Variants in TP53BP1 observed in about 807,000 individuals in gnomAD.
TP53BP1 encodes the protein tumor protein p53 binding protein 1.
Under a neutral mutation model 200.8 loss-of-function variants are expected in TP53BP1, and 61 were observed. The observed-to-expected ratio is 0.30, with a 90% CI of 0.25 to 0.38. The LOEUF is 0.38. Ranked by LOEUF, TP53BP1 falls within the 10% of genes least tolerant of loss-of-function variation. The pLI, the probability that TP53BP1 is intolerant of heterozygous loss-of-function variation, is 1.00. For synonymous variants in TP53BP1, 822 were observed against 844.3 expected, an observed-to-expected ratio of 0.97 and a Z score of 0.46; for missense variants, 2,144 against 2,371.9, an observed-to-expected ratio of 0.90 and a Z score of 2.00.
chr15:43,465,526 A>G lies in TP53BP1; in HGVS notation c.1389+4332T>C, dbSNP rs374587974. 2.0e-5 allele frequency among the ~76,000 whole-genome samples: 3 copies of G among 152,096 alleles called. No individual in the cohort carries two copies. In the East Asian group the frequency reaches 5.8e-4, roughly 29 times the overall value. Reference sequence around the variant, plus strand: ...ACTATTCTAGGAGTTTCAACATCCAAACAACAGATAGTCCATTAAAAAAAG... The same window carrying G: ...ACTATTCTAGGAGTTTCAACATCCAGACAACAGATAGTCCATTAAAAAAAG... On this transcript the variant is annotated intron_variant, in intron 11 of 27. Coordinates refer to ENST00000382044, the MANE Select transcript of TP53BP1 (RefSeq NM_001141980.3).
intron 11 of TP53BP1, among the ~76,000 whole-genome samples, chr15:43,467,422 C>G (rs994144211): frequency 9.2e-5 from 14 of 152,094 alleles, no homozygotes; most frequent in African/African-American, 3.1e-4. Flanking sequence ...GCTAAGGCAT[C>G]TTATAAAATA....
chr15:43,474,651 C>G lies in TP53BP1; in HGVS notation c.1180+22G>C, dbSNP rs771202901. The G allele has an allele frequency of 2.0e-6, 3 of 1,534,614 alleles. No homozygotes were observed. The South Asian group carries it at 3.4e-5, about 18-fold the overall frequency. Reference sequence around the variant, plus strand: ...TGCTCCTCTTCTAATCTGAGATCAACAGACAGATCAAGAGAGCTCACCTTG... The same window carrying G: ...TGCTCCTCTTCTAATCTGAGATCAAGAGACAGATCAAGAGAGCTCACCTTG... On this transcript the variant is annotated intron_variant, in intron 10 of 27. Coordinates refer to ENST00000382044, the MANE Select transcript of TP53BP1 (RefSeq NM_001141980.3).
At position 43,407,564 on chromosome 15, in the gene TP53BP1, G is replaced by T; in HGVS notation, c.5753C>A (p.Ala1918Asp). 2 of 1,611,140 alleles carry T rather than the reference G, an allele frequency of 1.2e-6. No homozygotes were observed. The highest frequency in any genetic ancestry group is 1.7e-6 in the Non-Finnish European group (2 of 1,177,956). Residue 1918 changes from alanine (A) to aspartate (D), a missense_variant, in exon 28 of 28, where the codon GCT (alanine) becomes GAT (aspartate). Around this residue, in one of 4 missense-constraint regions of TP53BP1, gnomAD observed 334 missense variants for 453.4 expected, o/e 0.74. Transcript: ENST00000382044. ...HHSSAHNKDI[A>D]LGVFDVVVTD... ...CACCACCACATCAAATACCCCTAAAGCAATATCTGCAAGGAGCAAGGGAAA... is the reference window on the plus strand; with the variant it reads ...CACCACCACATCAAATACCCCTAAATCAATATCTGCAAGGAGCAAGGGAAA...
chr15:43,450,068 C>T (rs1361093534), intron 12 of TP53BP1, among the ~76,000 whole-genome samples: 1 of 152,172 alleles, frequency 6.6e-6, no homozygotes, highest in Non-Finnish European at 1.5e-5. Context: ...ATTATCAAAT[C>T]CCTTCTTGTT....
intron 14 of TP53BP1, among the ~76,000 whole-genome samples, chr15:43,443,945 T>G (rs571815192): frequency 6.6e-6 from 1 of 152,206 alleles, no homozygotes; most frequent in African/African-American, 2.4e-5. Flanking sequence ...TGAAATTCAG[T>G]TGGAGCCCTG....
At chr15:43,493,206 C>A, upstream of TP53BP1, 2 of 1,458,698 alleles carry the variant, frequency 1.4e-6, no homozygotes, top group Admixed American at 2.3e-5. Flanking sequence ...TCGCTGCCGC[C>A]GCCCGCCACT....
At chr15:43,475,779 C>T (rs2078872313) in intron 8 of TP53BP1, 85 bp from the exon 9 acceptor site, 1 of 1,462,314 alleles carries the variant, frequency 6.8e-7, no homozygotes, top group Admixed American at 2.0e-5. Flanking sequence ...AGAGTAATAT[C>T]CATATTTCCA....
chr15:43,420,855 C>T, intron 20 of TP53BP1, 120 bp from the exon 21 acceptor site: 1 of 1,285,616 alleles, frequency 7.8e-7, no homozygotes, highest in Non-Finnish European at 1.1e-6. Flanking sequence ...AAAACCCCAT[C>T]ACAGGCATGA....
chr15:43,473,954 C>G (rs2046788389), intron 10 of TP53BP1, among the ~76,000 whole-genome samples: 1 of 152,222 alleles, frequency 6.6e-6, no homozygotes, highest in Non-Finnish European at 1.5e-5. Context: ...CTCAGCCACA[C>G]AGGAGCCCAC....
chr15:43,418,530 A>C (rs984008878), intron 21 of TP53BP1, among the ~76,000 whole-genome samples: 9 of 152,026 alleles, frequency 5.9e-5, no homozygotes, highest in South Asian at 2.1e-4. Context: ...AGATAGAAAG[A>C]AAGCCATTTT....
intron 11 of TP53BP1, among the ~76,000 whole-genome samples, chr15:43,466,524 C>T (rs563003392): frequency 9.2e-5 from 14 of 152,208 alleles, no homozygotes; most frequent in South Asian, 2.1e-4. Flanking sequence ...AACAAAATTA[C>T]GATGTAACTA....
Position 43,428,144 on chromosome 15 carries a change from G to A in TP53BP1, c.3700C>T (p.Gln1234Ter), listed in dbSNP as rs1220444634. Residue 1234 changes from glutamine (Q) to a stop codon, truncating the protein, a stop_gained, in exon 18 of 28, where the codon CAG becomes TAG. Coordinates refer to ENST00000382044, the MANE Select transcript of TP53BP1 (RefSeq NM_001141980.3). LOFTEE classifies it high-confidence loss of function. Reference sequence around the variant, plus strand: ...TGTAAGACATGGCCATGTGGAGGCTGAGGCATATCAAACTCTTCTTCTCCC... The same window carrying A: ...TGTAAGACATGGCCATGTGGAGGCTAAGGCATATCAAACTCTTCTTCTCCC... ...SQGEEEFDMP[Q>*]PPHGHVLHRH... The A allele has an allele frequency of 1.2e-6, 2 of 1,613,918 alleles. No homozygotes were observed. Among genetic ancestry groups the A allele is most frequent in the Non-Finnish European group, 1.7e-6 (2 of 1,179,912 alleles).
chr15:43,446,305 T>C, intron 14 of TP53BP1, 82 bp downstream of exon 14: 2 of 1,022,682 alleles, frequency 2.0e-6, no homozygotes, highest in Non-Finnish European at 2.9e-6. Context: ...TATAGAAGTA[T>C]CAATTATTAT....
At chr15:43,421,570 G>A in intron 19 of TP53BP1, 1 of 535,364 alleles carries the variant, frequency 1.9e-6, no homozygotes, top group Admixed American at 3.3e-5. Flanking sequence ...TAAAGGCTGT[G>A]GTAGAAGCAG....
intron 15 of TP53BP1, among the ~76,000 whole-genome samples, chr15:43,440,469 C>T (rs1208568962): frequency 2.7e-5 from 4 of 150,182 alleles, no homozygotes; most frequent in South Asian, 2.1e-4. Flanking sequence ...GAGCGGAGAT[C>T]GTGCCACTGC....
In TP53BP1 at chr15:43,428,094, T is replaced by C; in HGVS notation, c.3750A>G (p.Glu1250=). 1 of 1,613,520 alleles carries C rather than the reference T, an allele frequency of 6.2e-7. No homozygotes were observed. The highest frequency in any genetic ancestry group is 8.5e-7 in the Non-Finnish European group (1 of 1,179,414). ...VLHRHMRTIR[E]VRTLVTRVIT... ...TGACACGAGTGACAAGTGTGCGTAC[T>C]TCCCGGATTGTTCTCATGTGACGAT... Residue 1250 remains glutamate, a synonymous_variant, in exon 18 of 28, where the codon GAA becomes GAG. Transcript: ENST00000382044.
intron 15 of TP53BP1, 195 bp downstream of exon 15, chr15:43,441,331 T>C (rs1013774786): frequency 2.1e-6 from 1 of 487,048 alleles, no homozygotes; most frequent in Non-Finnish European, 3.6e-6. Flanking sequence ...GTTCTAGGTG[T>C]AGAAAAAAGC....
intron 18 of TP53BP1, among the ~76,000 whole-genome samples, chr15:43,422,938 G>A (rs1480909750): frequency 6.6e-6 from 1 of 151,634 alleles, no homozygotes; most frequent in African/African-American, 2.4e-5. Context: ...AGGCTGCAGT[G>A]AGCCGGGATC....
chr15:43,507,001 T>C (rs1566973339), intron 1 of TP53BP1, among the ~76,000 whole-genome samples: 4 of 152,226 alleles, frequency 2.6e-5, no homozygotes, highest in Non-Finnish European at 4.4e-5. Context: ...AAAGGGTACT[T>C]AAACCCAAGA....
Sources: allele counts gnomAD v4.1 joint callset (sites outside exome capture counted in the v4.1 genomes callset), GRCh38; gene constraint gnomAD v4.1.1; regional missense constraint gnomAD v4.1.1; transcripts MANE v1.5; gene names NCBI Gene and HGNC (gene_info 2026-07-23, HGNC 2026-07-21).